Variants in OSGEP observed in about 807,000 individuals in gnomAD.
OSGEP encodes the protein O-sialoglycoprotein endopeptidase.
A neutral mutation model predicts 44.1 loss-of-function variants in OSGEP; 39 were observed. That is an observed-to-expected ratio of 0.88 (90% confidence interval 0.69 to 1.16). The LOEUF (loss-of-function observed/expected upper bound fraction) is 1.16. Ranked by LOEUF, OSGEP falls within the 50% of genes most tolerant of loss-of-function variation. The pLI is 0.00. For missense variants in OSGEP, 403 were observed against 443.1 expected (o/e 0.91, Z 0.81); for synonymous variants, 139 against 161.9 (o/e 0.86, Z 1.07).
intron 3 of OSGEP, 151 bp downstream of exon 3, chr14:20,451,823 A>C (rs950404487): frequency 1.6e-6 from 1 of 633,630 alleles, no homozygotes; most frequent in Non-Finnish European, 2.5e-6. Flanking sequence ...GCAATGTTAC[A>C]AACTCTGTTG....
chr14:20,452,724 T>C (rs1429777587), intron 1 of OSGEP, among the ~76,000 whole-genome samples: 8 of 126,340 alleles, frequency 6.3e-5, no homozygotes, highest in African/African-American at 1.4e-4. Context: ...TTTTTTTTTT[T>C]CTTTTGAGAC....
chr14:20,447,574 CAGG>C (rs778153280), intron 9 of OSGEP, 38 bp downstream of exon 9: 60 of 1,608,206 alleles, frequency 3.7e-5, no homozygotes, highest in African/African-American at 2.9e-4. Context: ...ATCACTATAA[CAGG>C]AGAAGTAAAA....
Position 20,448,951 on chromosome 14 carries a change from T to G in OSGEP, c.557+13A>C. On this transcript the variant is annotated intron_variant, in intron 5 of 10. Transcript: ENST00000206542. ...CCCAGCAGCCAGCCTGCTTCCACCTTATGTCCCCTTACCGCTTTGCCATCT... is the reference window on the plus strand; with the variant it reads ...CCCAGCAGCCAGCCTGCTTCCACCTGATGTCCCCTTACCGCTTTGCCATCT... 6.2e-7 allele frequency: 1 copy of G among 1,613,730 alleles called. No homozygotes were observed.
Position 20,448,952 on chromosome 14 carries a change from A to G in OSGEP, c.557+12T>C. ...CCAGCAGCCAGCCTGCTTCCACCTT[A>G]TGTCCCCTTACCGCTTTGCCATCTG... On this transcript the variant is annotated intron_variant, in intron 5 of 10. Coordinates refer to ENST00000206542, the MANE Select transcript of OSGEP (RefSeq NM_017807.4). The G allele has an allele frequency of 6.2e-7, 1 of 1,613,664 alleles. No individual in the cohort carries two copies. Among genetic ancestry groups the G allele is most frequent in the South Asian group, 1.1e-5 (1 of 91,074 alleles).
rs541637936 is a variant in OSGEP at position 20,452,726 on chromosome 14, T to C, written c.116-278A>G. Among the ~76,000 whole-genome samples, 59 of 133,258 alleles carry C rather than the reference T, an allele frequency of 4.4e-4. 1 individual carries two copies. In the East Asian group the frequency reaches 7.3e-3, roughly 16 times the overall value. 87.4% of individuals were successfully genotyped at this position (133,258 alleles called of 152,430 possible). On this transcript the variant is annotated intron_variant, in intron 1 of 10. Transcript: ENST00000206542. The stretch of plus-strand genomic sequence containing the variant: ...TCGTGATCTTTTTTTTTTTTTTTTC[T>C]TTTGAGACAGTCTCAGCTCTGTCAC...
Position 20,452,160 on chromosome 14 carries a change from A to G in OSGEP, c.236-11T>C, listed in dbSNP as rs140274432. 206 of 1,599,930 alleles carry G rather than the reference A, an allele frequency of 1.3e-4. No homozygotes were observed. The African/African-American group carries it at 2.3e-3, about 17-fold the overall frequency. ...CACCCATGCCAGGGCCTAGGGAGATAGAAATGGAAGTTATAATCCTAGAGA... is the reference window on the plus strand; with the variant it reads ...CACCCATGCCAGGGCCTAGGGAGATGGAAATGGAAGTTATAATCCTAGAGA... On this transcript the variant is annotated splice_polypyrimidine_tract_variant and intron_variant, in intron 2 of 10. Transcript: ENST00000206542.
chr14:20,452,251 G>A, intron 2 of OSGEP, 78 bp downstream of exon 2: 2 of 1,593,456 alleles, frequency 1.3e-6, no homozygotes, highest in Admixed American at 3.4e-5. Flanking sequence ...GATGGTGGCA[G>A]AGGTAAGGTG....
rs1880984091 is a variant in OSGEP, at chr14:20,447,706, G to T, written c.794-16C>A. ...CTCACATTACCTACAAAGAGGCAGGGAACAGGATTAGCTTAGTTTTAGCCA... is the reference window on the plus strand; with the variant it reads ...CTCACATTACCTACAAAGAGGCAGGTAACAGGATTAGCTTAGTTTTAGCCA... On this transcript the variant is annotated splice_polypyrimidine_tract_variant and intron_variant, in intron 8 of 10. Coordinates refer to ENST00000206542, the MANE Select transcript of OSGEP (RefSeq NM_017807.4). The T allele has an allele frequency of 6.2e-7, 1 of 1,602,572 alleles. No homozygotes were observed. Among genetic ancestry groups the T allele is most frequent in the East Asian group, 2.2e-5 (1 of 44,826 alleles).
intron 8 of OSGEP, 66 bp from the exon 9 acceptor site, chr14:20,447,756 G>C: frequency 7.4e-7 from 1 of 1,354,396 alleles, no homozygotes. Context: ...AGCAGAACAC[G>C]TCATGTGCAC....
chr14:20,452,157 G>A lies in OSGEP; in HGVS notation c.236-8C>T. On this transcript the variant is annotated splice_region_variant and splice_polypyrimidine_tract_variant and intron_variant, in intron 2 of 10. Transcript: ENST00000206542. ...GGGCACCCATGCCAGGGCCTAGGGA[G>A]ATAGAAATGGAAGTTATAATCCTAG... The A allele has an allele frequency of 6.2e-7, 1 of 1,601,074 alleles. No homozygotes were observed. Among genetic ancestry groups the A allele is most frequent in the South Asian group, 1.1e-5 (1 of 89,526 alleles).
At position 20,454,714 on chromosome 14, in the gene OSGEP, C is replaced by G; in HGVS notation, c.-31G>C. 2 of 1,530,640 alleles carry G rather than the reference C, an allele frequency of 1.3e-6. No homozygotes were observed. Among genetic ancestry groups the G allele is most frequent in the Non-Finnish European group, 1.8e-6 (2 of 1,105,840 alleles). 94.8% of individuals were successfully genotyped at this position (1,530,640 alleles called of 1,614,324 possible). On this transcript the variant is annotated 5_prime_UTR_variant, in exon 1 of 11. Coordinates refer to ENST00000206542, the MANE Select transcript of OSGEP (RefSeq NM_017807.4). ...AGGCTGGGAGAAAACGCCGACAGGA[C>G]TCCTGGCAATGTCAGGAGCTGTGGA...
intron 6 of OSGEP, among the ~76,000 whole-genome samples, 155 bp from the exon 7 acceptor site, chr14:20,448,326 T>C (rs1192684656): frequency 6.6e-6 from 1 of 152,216 alleles, no homozygotes; most frequent in Non-Finnish European, 1.5e-5. Context: ...CATCATGGCA[T>C]AGAATGAGCA....
rs1039393213 is a variant in OSGEP, at chr14:20,447,355, G to C, written c.968+67C>G. ...CATTCTTCTCTGCCCTCATGTTCCTGGACTCTTCCCTGCTGTTTTTGTCTA... is the reference window on the plus strand; with the variant it reads ...CATTCTTCTCTGCCCTCATGTTCCTCGACTCTTCCCTGCTGTTTTTGTCTA... On this transcript the variant is annotated intron_variant, in intron 10 of 10. Transcript: ENST00000206542. 7.5e-6 allele frequency: 12 copies of C among 1,600,404 alleles called. No homozygotes were observed. The South Asian group carries it at 1.3e-4, about 18-fold the overall frequency.
intron 1 of OSGEP, among the ~76,000 whole-genome samples, chr14:20,453,876 G>A (rs956234524): frequency 3.3e-5 from 5 of 152,048 alleles, no homozygotes; most frequent in Non-Finnish European, 7.4e-5. Context: ...AAATTTAGCT[G>A]GATGTGGTGG....
intron 3 of OSGEP, 22 bp downstream of exon 3, chr14:20,451,952 G>A (rs746423656): frequency 5.2e-6 from 8 of 1,526,674 alleles, no homozygotes; most frequent in African/African-American, 2.8e-5. Context: ...TTGAGATGGA[G>A]TGGGTAGAGC....
At position 20,447,265 on chromosome 14, in the gene OSGEP, T is replaced by TA; in HGVS notation, c.982_983insT (p.Glu328ValfsTer17). 1 of 1,614,168 alleles carries TA rather than the reference T, an allele frequency of 6.2e-7. No individual in the cohort carries two copies. Among genetic ancestry groups the TA allele is most frequent in the Non-Finnish European group, 8.5e-7 (1 of 1,179,986 alleles). On this transcript the variant is annotated frameshift_variant, in exon 11 of 11. Coordinates refer to ENST00000206542, the MANE Select transcript of OSGEP (RefSeq NM_017807.4). LOFTEE classifies it high-confidence loss of function. ...TTAGTCCCTCCAGGTCACCTCTACT[T>TA]CATCTGTCCGATACCTGTGGAAAAA...
chr14:20,448,983 T>C lies in OSGEP; in HGVS notation c.538A>G (p.Ile180Val). Residue 180 changes from isoleucine (I) to valine (V), a missense_variant, in exon 5 of 11, where the codon ATT becomes GTT. Physicochemically the swap from Ile to Val is conservative, Grantham distance 29 (BLOSUM62 3). Transcript: ENST00000206542. ...CCTTACCGCTTTGCCATCTGTTCAA[T>C]GTTGTATCCTGGACTTGGGTCGTTA... The part of the protein sequence containing the change: ...ISNDPSPGYN[I>V]EQMAKRGKKL... 6.2e-7 allele frequency: 1 copy of C among 1,614,110 alleles called. No homozygotes were observed. The highest frequency in any genetic ancestry group is 8.5e-7 in the Non-Finnish European group (1 of 1,179,986).
At chr14:20,449,961 A>C (rs984800600) in intron 3 of OSGEP, 5 of 152,144 alleles carry the variant, frequency 3.3e-5, no homozygotes, top group African/African-American at 1.2e-4. Flanking sequence ...AGCAGAGCTG[A>C]AGAACTCAAA....
At chr14:20,454,317 C>A (rs1046561202) in intron 1 of OSGEP, among the ~76,000 whole-genome samples, 6 of 152,132 alleles carry the variant, frequency 3.9e-5, no homozygotes, top group African/African-American at 1.4e-4. Context: ...ATGTCTGACT[C>A]CACAGCAGTA....
Sources: gnomAD v4.1 joint callset for allele counts (sites outside exome capture counted in the v4.1 genomes callset) on GRCh38, gnomAD v4.1.1 for gene constraint, MANE v1.5 for transcripts, NCBI Gene and HGNC (gene_info 2026-07-23, HGNC 2026-07-21) for gene names.